Variants in UQCRC2 observed in about 807,000 individuals in gnomAD.
UQCRC2 encodes the protein ubiquinol-cytochrome c reductase core protein 2, also known as cytochrome b-c1 complex subunit 2, mitochondrial.
In UQCRC2, 49 loss-of-function variants were observed where a neutral mutation model predicts 55.6. The observed-to-expected ratio is 0.88, with a 90% CI of 0.70 to 1.12. The LOEUF (loss-of-function observed/expected upper bound fraction) is 1.12, where lower values mean the gene tolerates loss of function less well. UQCRC2 is among the 50% of genes most tolerant of loss of function. The probability of loss-of-function intolerance (pLI) is 0.00; values close to 1 mark genes in which losing one functional copy is unlikely to be tolerated. For missense variants in UQCRC2, 506 were observed against 547.8 expected (o/e 0.92, Z 0.76); for synonymous variants, 193 against 192.0 (o/e 1.01, Z -0.04).
chr16:21,956,469 A>G (rs75868694), intron 1 of UQCRC2, among the ~76,000 whole-genome samples: 2 of 152,198 alleles, frequency 1.3e-5, no homozygotes, highest in South Asian at 4.1e-4. Context: ...GCTTGAATCC[A>G]GGAGGCAGAC....
intron 1 of UQCRC2, among the ~76,000 whole-genome samples, chr16:21,954,340 C>T (rs1041404860): frequency 2.0e-5 from 3 of 152,092 alleles, no homozygotes; most frequent in African/African-American, 7.2e-5. Context: ...GAGAAACCCC[C>T]CTAGATGGAG....
chr16:21,977,524 A>G (rs1314052864), intron 12 of UQCRC2, among the ~76,000 whole-genome samples: 1 of 152,138 alleles, frequency 6.6e-6, no homozygotes, highest in Non-Finnish European at 1.5e-5. Context: ...AGACTAAAAT[A>G]CTTGTCTGCT....
At chr16:21,979,655 C>T (rs938694592) in intron 12 of UQCRC2, among the ~76,000 whole-genome samples, 2 of 152,148 alleles carry the variant, frequency 1.3e-5, no homozygotes, top group African/African-American at 4.8e-5. Flanking sequence ...CTCCTGCTTT[C>T]GAGTGAGTCA....
intron 7 of UQCRC2, among the ~76,000 whole-genome samples, chr16:21,966,189 T>C (rs1898322880): frequency 6.6e-6 from 1 of 151,946 alleles, no homozygotes; most frequent in African/African-American, 2.4e-5. Context: ...TGTATACATA[T>C]ATATAAAATA....
chr16:21,966,221 T>C (rs1331337653), intron 7 of UQCRC2, among the ~76,000 whole-genome samples: 1 of 152,140 alleles, frequency 6.6e-6, no homozygotes, highest in East Asian at 1.9e-4. Flanking sequence ...TAAAACTCTT[T>C]GGTCTCTCTG....
At chr16:21,974,280 A>G (rs1898531093) in intron 11 of UQCRC2, among the ~76,000 whole-genome samples, 1 of 152,170 alleles carries the variant, frequency 6.6e-6, no homozygotes, top group South Asian at 2.1e-4. Context: ...CAGGAGGTTT[A>G]TTTGCAAGTC....
chr16:21,971,078 ATGT>A (rs1312440059), intron 8 of UQCRC2, among the ~76,000 whole-genome samples: 7 of 152,234 alleles, frequency 4.6e-5, no homozygotes, highest in African/African-American at 1.7e-4. Context: ...GGACAATGCA[ATGT>A]TGTTTTAAGA....
At chr16:21,979,474 G>A (rs1567480099) in intron 12 of UQCRC2, among the ~76,000 whole-genome samples, 1 of 152,066 alleles carries the variant, frequency 6.6e-6, no homozygotes, top group Non-Finnish European at 1.5e-5. Context: ...TGGGCTCTAT[G>A]GTATAGTCTA....
intron 11 of UQCRC2, 141 bp downstream of exon 11, chr16:21,974,117 A>G (rs1318763825): frequency 4.3e-6 from 3 of 695,392 alleles, no homozygotes; most frequent in South Asian, 4.4e-5. Context: ...ATGTCATTGA[A>G]GCATTATCTG....
At position 21,971,603 on chromosome 16, in the gene UQCRC2, A is replaced by G; in HGVS notation, c.749A>G (p.Lys250Arg). ...GGTGGGCTTGGTTTATCTGGTGCAA[A>G]GGCCAACTACCGTGGAGGTAAGCAT... is the stretch of plus-strand genomic sequence containing the variant. ...MRGGLGLSGAKANYRGGEIRE... is the reference protein window; with the variant it reads ...MRGGLGLSGARANYRGGEIRE... The change falls in exon 9 of 14, where the codon AAG (lysine) becomes AGG (arginine). Residue 250 changes from lysine (K) to arginine (R), a missense_variant. Physicochemically the swap from Lys to Arg is conservative, Grantham distance 26. Coordinates refer to ENST00000268379, the MANE Select transcript of UQCRC2 (RefSeq NM_003366.4). The G allele has an allele frequency of 1.9e-6, 3 of 1,614,106 alleles. No homozygotes were observed. The highest frequency in any genetic ancestry group is 1.7e-6 in the Non-Finnish European group (2 of 1,180,010).
chr16:21,961,806 C>T (rs1898212634), intron 4 of UQCRC2, among the ~76,000 whole-genome samples: 2 of 151,166 alleles, frequency 1.3e-5, no homozygotes, highest in African/African-American at 4.9e-5. Flanking sequence ...CGTGCGCCAC[C>T]ATGCTTGGCT....
Position 21,957,410 on chromosome 16 carries a change from A to T in UQCRC2, c.118-7A>T. The T allele has an allele frequency of 6.2e-7, 1 of 1,614,024 alleles. No homozygotes were observed. Among genetic ancestry groups the T allele is most frequent in the Non-Finnish European group, 8.5e-7 (1 of 1,179,986 alleles). On this transcript the variant is annotated splice_polypyrimidine_tract_variant and splice_region_variant and intron_variant, in intron 2 of 13. Transcript: ENST00000268379. ...TTCATTATATCTCTACTTTATTTTA[A>T]ATACAGTTTACCAAGTTACCAAATG... is the stretch of plus-strand genomic sequence containing the variant.
At chr16:21,978,876 C>G (rs780845464) in intron 12 of UQCRC2, among the ~76,000 whole-genome samples, 1 of 152,104 alleles carries the variant, frequency 6.6e-6, no homozygotes, top group African/African-American at 2.4e-5. Flanking sequence ...TTGGTGAAAA[C>G]AAACAGGCCC....
At chr16:21,958,731 G>A (rs1898135281) in intron 4 of UQCRC2, 132 bp downstream of exon 4, 1 of 763,532 alleles carries the variant, frequency 1.3e-6, no homozygotes, top group Non-Finnish European at 2.1e-6. Flanking sequence ...ATGAATTTGA[G>A]TATATCAAAC....
intron 1 of UQCRC2, among the ~76,000 whole-genome samples, chr16:21,956,432 T>C (rs1011986263): frequency 6.6e-6 from 1 of 152,012 alleles, no homozygotes; most frequent in Admixed American, 6.6e-5. Context: ...TAATCCCAGC[T>C]ACTTGGGAGG....
intron 11 of UQCRC2, among the ~76,000 whole-genome samples, chr16:21,974,228 G>T (rs1178224513): frequency 6.6e-6 from 1 of 152,152 alleles, no homozygotes; most frequent in Non-Finnish European, 1.5e-5. Context: ...CATTGAGTTG[G>T]CTCTGAGACA....
intron 9 of UQCRC2, 48 bp from the exon 10 acceptor site, chr16:21,971,875 G>A (rs1377958581): frequency 6.2e-7 from 1 of 1,607,888 alleles, no homozygotes; most frequent in African/African-American, 1.3e-5. Context: ...TGAAACCAAT[G>A]GTGAACAAGC....
At chr16:21,979,834 G>A (rs997776037) in intron 12 of UQCRC2, among the ~76,000 whole-genome samples, 2 of 151,964 alleles carry the variant, frequency 1.3e-5, no homozygotes, top group Non-Finnish European at 2.9e-5. Context: ...TAATCTTAAC[G>A]GGACCACCAT....
chr16:21,980,573 T>C lies in UQCRC2; in HGVS notation c.1151T>C (p.Met384Thr), dbSNP rs766114324. 6.2e-7 allele frequency: 1 copy of C among 1,614,188 alleles called. No homozygotes were observed. Among genetic ancestry groups the C allele is most frequent in the Non-Finnish European group, 8.5e-7 (1 of 1,180,026 alleles). Reference protein sequence around the residue: ...AKNKLKAGYLMSVESSECFLE... With the variant: ...AKNKLKAGYLTSVESSECFLE... Reference sequence around the variant, plus strand: ...AACAAGCTGAAAGCTGGATACCTAATGTCAGTGGAGTCTTCTGAGTGTTTC... The same window carrying C: ...AACAAGCTGAAAGCTGGATACCTAACGTCAGTGGAGTCTTCTGAGTGTTTC... The change falls in exon 13 of 14, where the codon ATG becomes ACG. Residue 384 changes from methionine (M) to threonine (T), a missense_variant. Met to Thr is a moderately conservative substitution (Grantham distance 81, BLOSUM62 -1). Coordinates refer to ENST00000268379, the MANE Select transcript of UQCRC2 (RefSeq NM_003366.4).
Sources: allele counts gnomAD v4.1 joint callset (sites outside exome capture counted in the v4.1 genomes callset), GRCh38; gene constraint gnomAD v4.1.1; transcripts MANE v1.5; gene names NCBI Gene and HGNC (gene_info 2026-07-23, HGNC 2026-07-21).